The following FBN3 variants were observed in gnomAD, a reference collection of about 807,000 sequenced individuals.
The protein encoded by FBN3 is fibrillin-3.
In FBN3, 234 loss-of-function variants were observed where a neutral mutation model predicts 330.1. The ratio of observed to expected loss-of-function variants is 0.71; its 90% CI spans 0.64 to 0.79. The LOEUF is 0.79. Among genes scored for constraint, FBN3 ranks in the 30% least tolerant of loss-of-function variants. The probability of loss-of-function intolerance (pLI) is 0.00; values close to 1 mark genes in which losing one functional copy is unlikely to be tolerated. For synonymous variants in FBN3, 1,458 were observed against 1,517.3 expected, an observed-to-expected ratio of 0.96 and a Z score of 0.91; for missense variants, 3,606 against 3,886.9, an observed-to-expected ratio of 0.93 and a Z score of 1.92.
rs2144622546 is a variant in FBN3, at chr19:8,081,437, G to C, written c.7257C>G (p.Leu2419=). Residue 2419 remains leucine (L), a synonymous_variant, in exon 58 of 64, where the codon CTC becomes CTG. Transcript: ENST00000600128. ...CSQVPKPCTF[L]CKNTKGSFLC... ...GGAAACTGCCCTTCGTGTTTTTGCAGAGGAAGGTACATGGCTTGGGGACCT... is the reference window on the plus strand; with the variant it reads ...GGAAACTGCCCTTCGTGTTTTTGCACAGGAAGGTACATGGCTTGGGGACCT... The C allele has an allele frequency of 6.2e-7, 1 of 1,612,606 alleles. No homozygotes were observed. Among genetic ancestry groups the C allele is most frequent in the African/African-American group, 1.3e-5 (1 of 74,980 alleles).
rs1272934627 is a variant in FBN3 at position 8,131,111 on chromosome 19, C to A, written c.2044+124G>T. 2 of 804,662 alleles carry A rather than the reference C, an allele frequency of 2.5e-6. No individual in the cohort carries two copies. Among genetic ancestry groups the A allele is most frequent in the Non-Finnish European group, 3.9e-6 (2 of 508,128 alleles). The allele number at this position is 804,662 out of a possible 1,614,324, so 49.8% of individuals were successfully genotyped here. On this transcript the variant is annotated intron_variant, in intron 16 of 63. Transcript: ENST00000600128. This position sits in a 1 kb window ranked among gnomAD's most constrained non-coding sequence, Gnocchi z 4.5. ...GAGAATCAGCTTCTGTTGTTGAAGCCGTCTGGTCTGGGGCACTTTGTTACG... is the reference window on the plus strand; with the variant it reads ...GAGAATCAGCTTCTGTTGTTGAAGCAGTCTGGTCTGGGGCACTTTGTTACG...
chr19:8,074,229 C>T (rs1204224692), intron 61 of FBN3, among the ~76,000 whole-genome samples: 1 of 152,036 alleles, frequency 6.6e-6, no homozygotes, highest in Non-Finnish European at 1.5e-5. Flanking sequence ...GGAAGAGTTG[C>T]CAGCAAAGGC....
Position 8,131,178 on chromosome 19 carries a change from C to G in FBN3, c.2044+57G>C. On this transcript the variant is annotated intron_variant, in intron 16 of 63. Transcript: ENST00000600128. The surrounding 1 kb of genome is among the most constrained non-coding windows in gnomAD (Gnocchi z 4.5). ...TCCTACAGCCTCCCACCACAGCTCT[C>G]CCCACATCTGGTAGGGGCAGGCTGG... 1 of 1,547,278 alleles carries G rather than the reference C, an allele frequency of 6.5e-7. No homozygotes were observed. The highest frequency in any genetic ancestry group is 8.8e-7 in the Non-Finnish European group (1 of 1,135,912).
chr19:8,126,328 G>A lies in FBN3; in HGVS notation c.2574C>T (p.Gly858=), dbSNP rs1182256306. Residue 858 remains glycine, a synonymous_variant, in exon 21 of 64, where the codon GGC becomes GGT. Coordinates refer to ENST00000600128, the MANE Select transcript of FBN3 (RefSeq NM_032447.5). The part of the protein sequence containing the change: ...RCEIDPACAR[G]FARMTGVTCD... Reference sequence around the variant, plus strand: ...AGGTGACACCCGTCATCCGGGCAAAGCCCCGGGCACAGGCAGGGTCTGCAA... The same window carrying A: ...AGGTGACACCCGTCATCCGGGCAAAACCCCGGGCACAGGCAGGGTCTGCAA... 2 of 1,590,562 alleles carry A rather than the reference G, an allele frequency of 1.3e-6. No homozygotes were observed.
At chr19:8,098,996 G>A (rs1380080779) in intron 41 of FBN3, among the ~76,000 whole-genome samples, 1 of 152,222 alleles carries the variant, frequency 6.6e-6, no homozygotes, top group African/African-American at 2.4e-5. Context: ...GGCAAAGAGA[G>A]AGGCTGCACA....
At chr19:8,137,624 A>G (rs1175348130) in intron 10 of FBN3, among the ~76,000 whole-genome samples, 1 of 151,044 alleles carries the variant, frequency 6.6e-6, no homozygotes, top group African/African-American at 2.4e-5. Context: ...TTATTTATTT[A>G]TTTATTTATT....
chr19:8,096,879 A>G lies in FBN3; in HGVS notation c.5413+2T>C, dbSNP rs1599330135. 6 of 1,612,592 alleles carry G rather than the reference A, an allele frequency of 3.7e-6. No homozygotes were observed. Among genetic ancestry groups the G allele is most frequent in the Non-Finnish European group, 5.1e-6 (6 of 1,179,902 alleles). On this transcript the variant is annotated splice_donor_variant, in intron 43 of 63. Coordinates refer to ENST00000600128, the MANE Select transcript of FBN3 (RefSeq NM_032447.5). LOFTEE classifies it high-confidence loss of function. This position sits in a 1 kb window ranked among gnomAD's most constrained non-coding sequence, Gnocchi z 4.6. ...TCACCTCCTCCCAGGGACCCTGCTCACCCACACAAGCCCCGCCTGGCGACA... is the reference window on the plus strand; with the variant it reads ...TCACCTCCTCCCAGGGACCCTGCTCGCCCACACAAGCCCCGCCTGGCGACA...
chr19:8,111,918 GCCTTGCC>G, intron 31 of FBN3, 52 bp downstream of exon 31: 1 of 708,450 alleles, frequency 1.4e-6, no homozygotes, highest in South Asian at 5.6e-5. Context: ...GCCCCCCACC[GCCTTGCC>G]CCCCACCTAC....
In FBN3 at chr19:8,109,637, AGCCCACTCC is replaced by A; in HGVS notation, c.4441_4449del (p.Gly1481_Gly1483del). Reference sequence around the variant, plus strand: ...GAGTTGAGCATGGACTCACCCACGCAGCCCACTCCGCTGGGGTTCAGCTCAAAATCCTGG... The same window carrying A: ...GAGTTGAGCATGGACTCACCCACGCAGCTGGGGTTCAGCTCAAAATCCTGG... On this transcript the variant is annotated inframe_deletion, in exon 35 of 64. Transcript: ENST00000600128. The surrounding 1 kb of genome is among the most constrained non-coding windows in gnomAD (Gnocchi z 5.2). The A allele has an allele frequency of 1.3e-6, 2 of 1,593,632 alleles. No homozygotes were observed. The highest frequency in any genetic ancestry group is 1.7e-6 in the Non-Finnish European group (2 of 1,169,534).
chr19:8,091,689 CAG>C, intron 47 of FBN3, 99 bp from the exon 48 acceptor site: 8 of 1,375,098 alleles, frequency 5.8e-6, no homozygotes, highest in Non-Finnish European at 8.0e-6. Context: ...AGTGCAGGTC[CAG>C]CCAGGGGCTG....
At chr19:8,144,588 C>A (rs2083490127) in intron 6 of FBN3, among the ~76,000 whole-genome samples, 1 of 151,576 alleles carries the variant, frequency 6.6e-6, no homozygotes, top group Admixed American at 6.6e-5. Flanking sequence ...GCCTTGACAC[C>A]CCCAGATAAG....
In FBN3 at chr19:8,126,006, A is replaced by G; in HGVS notation, c.2617T>C (p.Cys873Arg). The G allele has an allele frequency of 6.2e-7, 1 of 1,613,742 alleles. No homozygotes were observed. The highest frequency in any genetic ancestry group is 1.7e-5 in the Admixed American group (1 of 59,954). ...GGACAGACTCCCGGGAAGGACTCACACTCGTTCACATCTGGGTAAGGAGGA... is the reference window on the plus strand; with the variant it reads ...GGACAGACTCCCGGGAAGGACTCACGCTCGTTCACATCTGGGTAAGGAGGA... The part of the protein sequence containing the change: ...TGVTCDDVNE[C>R]ESFPGVCPNG... The change falls in exon 22 of 64, where the codon TGT becomes CGT. Residue 873 changes from cysteine to arginine, a missense_variant. Coordinates refer to ENST00000600128, the MANE Select transcript of FBN3 (RefSeq NM_032447.5).
chr19:8,133,742 G>C (rs75813142), intron 13 of FBN3, among the ~76,000 whole-genome samples: 1,684 of 151,954 alleles, frequency 0.011, 29 homozygotes, highest in African/African-American at 0.038. Flanking sequence ...GTGAGCCACC[G>C]CGCCCAACCT....
At chr19:8,117,399 G>T in intron 27 of FBN3, 65 bp downstream of exon 27, 1 of 1,549,626 alleles carries the variant, frequency 6.5e-7, no homozygotes, top group Non-Finnish European at 8.7e-7. Flanking sequence ...GAGGACAGGA[G>T]GAGCTACCAC....
Position 8,101,232 on chromosome 19 carries a change from C to T in FBN3, c.5090-260G>A. Among the ~76,000 whole-genome samples the T allele has an allele frequency of 1.3e-5, 2 of 152,186 alleles. 1 individual carries two copies. Among genetic ancestry groups the T allele is most frequent in the Non-Finnish European group, 2.9e-5 (2 of 68,018 alleles). On this transcript the variant is annotated intron_variant, in intron 40 of 63. Coordinates refer to ENST00000600128, the MANE Select transcript of FBN3 (RefSeq NM_032447.5). ...CTTAACCTCCCAGGTTCAGGTGACCCTCCCACCTTAGCCTCCCAAGTAGCT... is the reference window on the plus strand; with the variant it reads ...CTTAACCTCCCAGGTTCAGGTGACCTTCCCACCTTAGCCTCCCAAGTAGCT...
chr19:8,111,139 G>A lies in FBN3; in HGVS notation c.4129C>T (p.Gln1377Ter), dbSNP rs1412546808. The change falls in exon 33 of 64, where the codon CAG becomes TAG. Residue 1377 changes from glutamine (Q) to a stop codon, truncating the protein, a stop_gained. Transcript: ENST00000600128. LOFTEE classifies it high-confidence loss of function. Reference sequence around the variant, plus strand: ...TACCCGCCGGGCGCATTGAGGCACTGCCCGTTGTCACAGAGGTCCACGTTC... The same window carrying A: ...TACCCGCCGGGCGCATTGAGGCACTACCCGTTGTCACAGAGGTCCACGTTC... ...AENVDLCDNG[Q>*]CLNAPGGYRC... 1.2e-6 allele frequency: 2 copies of A among 1,612,864 alleles called. No homozygotes were observed. Among genetic ancestry groups the A allele is most frequent in the Non-Finnish European group, 1.7e-6 (2 of 1,179,336 alleles).
At chr19:8,137,372 G>C (rs1365952849) in intron 10 of FBN3, among the ~76,000 whole-genome samples, 3 of 151,656 alleles carry the variant, frequency 2.0e-5, no homozygotes, top group African/African-American at 4.8e-5. Context: ...CTGGAGCCTA[G>C]ATCCCTCCAA....
intron 6 of FBN3, among the ~76,000 whole-genome samples, chr19:8,142,606 A>T (rs550350282): frequency 1.3e-5 from 2 of 152,148 alleles, no homozygotes; most frequent in South Asian, 2.1e-4. Flanking sequence ...AATCCCCATC[A>T]GGCCCAGCCC....
chr19:8,078,190 A>G (rs2081687765), intron 59 of FBN3, among the ~76,000 whole-genome samples: 1 of 152,208 alleles, frequency 6.6e-6, no homozygotes, highest in African/African-American at 2.4e-5. Flanking sequence ...TTGCTCTTCT[A>G]TTAACAGTTT....
Sources: gnomAD v4.1 joint callset for allele counts (sites outside exome capture counted in the v4.1 genomes callset) on GRCh38, gnomAD v4.1.1 for gene constraint, Gnocchi (gnomAD v3.1) non-coding constraint, MANE v1.5 for transcripts, NCBI Gene and HGNC (gene_info 2026-07-23, HGNC 2026-07-21) for gene names.